The following MERTK variants were observed in gnomAD, a reference collection of about 807,000 sequenced individuals.
The protein encoded by MERTK is tyrosine-protein kinase Mer.
A neutral mutation model predicts 99.3 loss-of-function variants in MERTK; 69 were observed. The observed-to-expected ratio is 0.70, with a 90% CI of 0.57 to 0.85. The LOEUF (loss-of-function observed/expected upper bound fraction) is 0.85. Ranked by LOEUF, MERTK falls within the 40% of genes least tolerant of loss-of-function variation. The pLI, the probability that MERTK is intolerant of heterozygous loss-of-function variation, is 0.00. For synonymous variants in MERTK, 426 were observed against 467.6 expected (o/e 0.91, Z 1.15); for missense variants, 1,125 against 1,249.4 (o/e 0.90, Z 1.50).
At chr2:111,903,070 C>A (rs1467498548) in intron 1 of MERTK, among the ~76,000 whole-genome samples, 1 of 152,210 alleles carries the variant, frequency 6.6e-6, no homozygotes. Context: ...TGAGCTATGG[C>A]ACCCAGCCTT....
intron 1 of MERTK, among the ~76,000 whole-genome samples, chr2:111,907,694 C>T (rs1369718346): frequency 6.6e-6 from 1 of 152,184 alleles, no homozygotes; most frequent in Non-Finnish European, 1.5e-5. Context: ...TCTTCAGGAT[C>T]AGGGAGAATG....
In MERTK at chr2:111,973,470, G is replaced by A. The variant is rs75525224; in HGVS notation, c.961-1819G>A. Among the ~76,000 whole-genome samples the A allele has an allele frequency of 3.6e-3, 554 of 152,076 alleles. 3 individuals are homozygous for A. Among genetic ancestry groups the A allele is most frequent in the African/African-American group, 0.013 (534 of 41,498 alleles). On this transcript the variant is annotated intron_variant, in intron 6 of 18. Transcript: ENST00000295408. ...AGAGGTGAAACTCAACCCCCACACC[G>A]TACTCCTGGTATCTGCCAGGGGATT...
At chr2:111,964,577 A>G (rs1345967747) in intron 4 of MERTK, among the ~76,000 whole-genome samples, 1 of 152,238 alleles carries the variant, frequency 6.6e-6, no homozygotes, top group Non-Finnish European at 1.5e-5. Context: ...TTGTCTTCCT[A>G]TTTAAAATTA....
chr2:112,011,676 G>A (rs1307160645), intron 15 of MERTK, among the ~76,000 whole-genome samples: 2 of 152,170 alleles, frequency 1.3e-5, no homozygotes, highest in Non-Finnish European at 2.9e-5. Context: ...ATTTGAACTA[G>A]GAAGGCTGAG....
intron 17 of MERTK, among the ~76,000 whole-genome samples, chr2:112,021,800 GC>G (rs768694376): frequency 6.6e-6 from 1 of 152,166 alleles, no homozygotes; most frequent in Non-Finnish European, 1.5e-5. Context: ...TGTGTGCTTT[GC>G]AAAAGCCCTT....
At chr2:112,010,445 A>T (rs912058272) in intron 15 of MERTK, among the ~76,000 whole-genome samples, 3 of 152,222 alleles carry the variant, frequency 2.0e-5, no homozygotes, top group Non-Finnish European at 4.4e-5. Context: ...TACAGAGCTC[A>T]TTCTGGATTT....
At chr2:112,006,213 G>T (rs1457871597) in intron 13 of MERTK, among the ~76,000 whole-genome samples, 3 of 151,574 alleles carry the variant, frequency 2.0e-5, no homozygotes, top group Non-Finnish European at 4.4e-5. Context: ...GCTATAAAAA[G>T]GAACCACAAT....
intron 1 of MERTK, among the ~76,000 whole-genome samples, chr2:111,912,126 C>G (rs1466217321): frequency 6.6e-6 from 1 of 151,990 alleles, no homozygotes; most frequent in African/African-American, 2.4e-5. Context: ...CCTCAGCCTA[C>G]CAAGTAGCTA....
At chr2:111,937,788 C>T (rs1364643599) in intron 2 of MERTK, among the ~76,000 whole-genome samples, 1 of 152,266 alleles carries the variant, frequency 6.6e-6, no homozygotes, top group Non-Finnish European at 1.5e-5. Flanking sequence ...GACTTCCTTT[C>T]AGCTCGAACT....
rs1210606993 is a variant in MERTK at position 112,029,408 on chromosome 2, G to A, written c.*544G>A. Reference sequence around the variant, plus strand: ...ACTTGAGACTTGAAAGACAGTGGTCGGCAGCGGCCTTGTGGCCTTTGCAAA... The same window carrying A: ...ACTTGAGACTTGAAAGACAGTGGTCAGCAGCGGCCTTGTGGCCTTTGCAAA... On this transcript the variant is annotated 3_prime_UTR_variant, in exon 19 of 19. Transcript: ENST00000295408. 4 of 887,762 alleles carry A rather than the reference G, an allele frequency of 4.5e-6. No homozygotes were observed. The highest frequency in any genetic ancestry group is 5.2e-5 in the South Asian group (1 of 19,398). 55.0% of individuals were successfully genotyped at this position (887,762 alleles called of 1,614,324 possible).
intron 14 of MERTK, 160 bp downstream of exon 14, chr2:112,008,635 G>A (rs1192533849): frequency 6.8e-6 from 5 of 735,098 alleles, no homozygotes; most frequent in South Asian, 1.4e-5. Flanking sequence ...TCATAATGAT[G>A]TTTTCTGAGG....
At chr2:111,919,519 G>A (rs979118106) in intron 1 of MERTK, among the ~76,000 whole-genome samples, 2 of 152,178 alleles carry the variant, frequency 1.3e-5, no homozygotes, top group African/African-American at 4.8e-5. Context: ...GTGAAAAGTC[G>A]AGGTCAGATT....
At chr2:111,946,022 T>C (rs1684955813) in intron 3 of MERTK, among the ~76,000 whole-genome samples, 1 of 152,202 alleles carries the variant, frequency 6.6e-6, no homozygotes, top group Admixed American at 6.5e-5. Context: ...ACCCATTCTT[T>C]TGTGAACCTG....
intron 4 of MERTK, among the ~76,000 whole-genome samples, chr2:111,949,349 A>G (rs1298719654): frequency 6.6e-6 from 1 of 152,022 alleles, no homozygotes; most frequent in Non-Finnish European, 1.5e-5. Flanking sequence ...TCCTAGTAGT[A>G]CTCAGTAAAT....
At position 112,003,146 on chromosome 2, in the gene MERTK, TTGACAG is replaced by T; in HGVS notation, c.1746_1751del (p.Ile582_Arg584delinsMet). On this transcript the variant is annotated inframe_deletion, in exon 12 of 19. Coordinates refer to ENST00000295408, the MANE Select transcript of MERTK (RefSeq NM_006343.3). Reference sequence around the variant, plus strand: ...CAAAATAAACTAGAAGATGTTGTGATTGACAGGAATCTTCTAATTCTTGGAAAAATT... The same window carrying T: ...CAAAATAAACTAGAAGATGTTGTGATGAATCTTCTAATTCTTGGAAAAATT... 2.5e-6 allele frequency: 4 copies of T among 1,603,756 alleles called. No individual in the cohort carries two copies. The highest frequency in any genetic ancestry group is 3.4e-6 in the Non-Finnish European group (4 of 1,170,920).
At chr2:111,982,808 G>C (rs1178620787) in intron 7 of MERTK, 34 bp from the exon 8 acceptor site, 1 of 1,611,480 alleles carries the variant, frequency 6.2e-7, no homozygotes, top group Non-Finnish European at 8.5e-7. Context: ...GTGCTTTGTG[G>C]TTCTTCATTC....
At chr2:111,939,918 T>G (rs1684831205) in intron 2 of MERTK, among the ~76,000 whole-genome samples, 2 of 152,104 alleles carry the variant, frequency 1.3e-5, no homozygotes, top group South Asian at 4.1e-4. Flanking sequence ...ACAACAAAAT[T>G]ATCAGTACTG....
At chr2:111,986,266 G>T (rs1238256894) in intron 8 of MERTK, among the ~76,000 whole-genome samples, 1 of 152,232 alleles carries the variant, frequency 6.6e-6, no homozygotes, top group Non-Finnish European at 1.5e-5. Flanking sequence ...CAAGGCATTT[G>T]TGCGAGGTGC....
At position 111,929,396 on chromosome 2, in the gene MERTK, T is replaced by G. The variant is rs981354168; in HGVS notation, c.338T>G (p.Phe113Cys). 3 of 1,613,958 alleles carry G rather than the reference T, an allele frequency of 1.9e-6. No homozygotes were observed. Among genetic ancestry groups the G allele is most frequent in the African/African-American group, 2.7e-5 (2 of 74,888 alleles). Reference sequence around the variant, plus strand: ...CTTTCTGAACATAAAGGTGTCAAATTTAATTGCTCAATCAGTGTACCTAAT... The same window carrying G: ...CTTTCTGAACATAAAGGTGTCAAATGTAATTGCTCAATCAGTGTACCTAAT... The part of the protein sequence containing the change: ...IILSEHKGVK[F>C]NCSISVPNIY... The change falls in exon 2 of 19, where the codon TTT becomes TGT. Residue 113 changes from phenylalanine to cysteine, a missense_variant. By Grantham distance (205) the Phe-to-Cys change is radical (BLOSUM62 -2). Transcript: ENST00000295408.
Sources: gnomAD v4.1 joint callset for allele counts (sites outside exome capture counted in the v4.1 genomes callset) on GRCh38, gnomAD v4.1.1 for gene constraint, MANE v1.5 for transcripts, NCBI Gene and HGNC (gene_info 2026-07-23, HGNC 2026-07-21) for gene names.